The following C12orf42 variants were observed in gnomAD, a reference collection of about 807,000 sequenced individuals.
C12orf42 encodes uncharacterized protein C12orf42.
Under a neutral mutation model 21.6 loss-of-function variants are expected in C12orf42, and 25 were observed. The observed-to-expected ratio is 1.16, with a 90% confidence interval of 0.84 to 1.62. The LOEUF (loss-of-function observed/expected upper bound fraction) is 1.62, where lower values mean the gene tolerates loss of function less well. C12orf42 is among the 40% of genes most tolerant of loss of function. The pLI, the probability that C12orf42 is intolerant of heterozygous loss-of-function variation, is 0.00. For synonymous variants in C12orf42, 174 were observed against 175.0 expected (o/e 0.99, Z 0.05); for missense variants, 483 against 459.3 (o/e 1.05, Z -0.47).
chr12:103,445,461 TG>T (rs1951520377), intron 2 of C12orf42, among the ~76,000 whole-genome samples: 1 of 152,056 alleles, frequency 6.6e-6, no homozygotes, highest in African/African-American at 2.4e-5. Context: ...GGGGGGTTTT[TG>T]GTGTGCCTGC....
intron 2 of C12orf42, among the ~76,000 whole-genome samples, chr12:103,410,850 A>G (rs1333468999): frequency 6.6e-6 from 1 of 152,204 alleles, no homozygotes; most frequent in East Asian, 1.9e-4. Flanking sequence ...AGCCATAAGG[A>G]AAGCGGGAAG....
the C12orf42 span, among the ~76,000 whole-genome samples, chr12:103,057,177 C>T: frequency 1.0e-4 from 15 of 147,888 alleles, no homozygotes; most frequent in African/African-American, 3.7e-4. Context: ...GAGAACAGCA[C>T]ATCTTTTTTT....
chr12:103,307,197 G>C (rs2038434994), intron 4 of C12orf42, among the ~76,000 whole-genome samples: 1 of 152,162 alleles, frequency 6.6e-6, no homozygotes, highest in Non-Finnish European at 1.5e-5. Flanking sequence ...GCTTGCTAAA[G>C]GTCACAAATA....
intron 4 of C12orf42, among the ~76,000 whole-genome samples, chr12:103,355,451 G>A (rs567808486): frequency 2.0e-4 from 30 of 152,176 alleles, no homozygotes; most frequent in Non-Finnish European, 3.5e-4. Flanking sequence ...TCATTGACCC[G>A]CCCATCTGAA....
chr12:103,479,521 G>A (rs1954310448), intron 1 of C12orf42, among the ~76,000 whole-genome samples: 1 of 152,032 alleles, frequency 6.6e-6, no homozygotes. Flanking sequence ...TGTTCCTGAT[G>A]TTAACAGAAA....
intron 1 of C12orf42, among the ~76,000 whole-genome samples, chr12:103,490,021 G>A (rs562125710): frequency 5.3e-5 from 8 of 152,158 alleles, no homozygotes; most frequent in South Asian, 2.1e-4. Context: ...GAAATCACCC[G>A]TCTTCTGTGT....
At chr12:103,502,666 C>T in the C12orf42 span, among the ~76,000 whole-genome samples, 6 of 152,326 alleles carry the variant, frequency 3.9e-5, no homozygotes, top group Admixed American at 2.0e-4. Context: ...CTGCCAGCCT[C>T]ACTTCAATGA....
chr12:103,235,987 A>G (rs1385894569), downstream of C12orf42, among the ~76,000 whole-genome samples: 3 of 152,338 alleles, frequency 2.0e-5, no homozygotes, highest in East Asian at 5.8e-4. Flanking sequence ...AAGGTAAGTC[A>G]TGCAAGATAA....
chr12:103,563,469 A>C, the C12orf42 span, among the ~76,000 whole-genome samples: 1 of 152,232 alleles, frequency 6.6e-6, no homozygotes, highest in Admixed American at 6.5e-5. Context: ...CATAACAAAT[A>C]TGTCTCCAAA....
chr12:103,089,169 T>A, the C12orf42 span, among the ~76,000 whole-genome samples: 9 of 145,034 alleles, frequency 6.2e-5, no homozygotes, highest in South Asian at 1.3e-3. Flanking sequence ...TCAAGACAGA[T>A]CTTTTGGCCC....
At chr12:103,158,803 C>A in the C12orf42 span, among the ~76,000 whole-genome samples, 1 of 151,142 alleles carries the variant, frequency 6.6e-6, no homozygotes, top group Non-Finnish European at 1.5e-5. Context: ...TCACTTAAAC[C>A]CGGGAGGCGG....
chr12:103,277,225 C>T, intron 4 of C12orf42: 1 of 443,562 alleles, frequency 2.3e-6, no homozygotes, highest in Non-Finnish European at 4.5e-6. Context: ...CAAAAAGTAC[C>T]ATATGGAAAG....
At chr12:103,135,566 A>T in the C12orf42 span, among the ~76,000 whole-genome samples, 1 of 152,226 alleles carries the variant, frequency 6.6e-6, no homozygotes, top group Non-Finnish European at 1.5e-5. Flanking sequence ...AGGAGATACA[A>T]AACAACCATG....
At chr12:103,212,685 G>C in the C12orf42 span, among the ~76,000 whole-genome samples, 6 of 152,102 alleles carry the variant, frequency 3.9e-5, no homozygotes, top group South Asian at 8.3e-4. Context: ...TTGAGACATA[G>C]TAGAATGTTA....
At chr12:103,157,110 AT>A in the C12orf42 span, among the ~76,000 whole-genome samples, 8 of 152,092 alleles carry the variant, frequency 5.3e-5, no homozygotes, top group East Asian at 1.5e-3. Context: ...AAGCGTTCTT[AT>A]TTCTTCACAG....
intron 2 of C12orf42, among the ~76,000 whole-genome samples, chr12:103,420,901 T>C (rs1174665138): frequency 6.6e-6 from 1 of 152,352 alleles, no homozygotes; most frequent in East Asian, 1.9e-4. Context: ...CCCAGCAAAA[T>C]AGCGTTAATT....
chr12:103,102,296 G>A, the C12orf42 span, among the ~76,000 whole-genome samples: 2 of 152,258 alleles, frequency 1.3e-5, no homozygotes, highest in South Asian at 2.1e-4. Context: ...AAACCTTAAG[G>A]CCATTCTGGG....
the C12orf42 span, among the ~76,000 whole-genome samples, chr12:103,124,072 A>T: frequency 6.7e-6 from 1 of 150,222 alleles, no homozygotes; most frequent in Non-Finnish European, 1.5e-5. Flanking sequence ...AAGACTCTGT[A>T]TCAAGAATGT....
intron 2 of C12orf42, among the ~76,000 whole-genome samples, chr12:103,412,544 C>T (rs759170502): frequency 2.6e-5 from 4 of 152,168 alleles, no homozygotes; most frequent in Non-Finnish European, 5.9e-5. Flanking sequence ...TGGTGGGCAC[C>T]TCTAATCCCA....
Sources: gnomAD v4.1 joint callset for allele counts (sites outside exome capture counted in the v4.1 genomes callset) on GRCh38, gnomAD v4.1.1 for gene constraint, MANE v1.5 for transcripts, NCBI Gene and HGNC (gene_info 2026-07-23, HGNC 2026-07-21) for gene names.